SUSD4: variants seen among roughly 807,000 people sequenced by gnomAD.
The protein encoded by SUSD4 is sushi domain containing 4.
SUSD4 carries 41 observed loss-of-function variants against 50.5 expected under a neutral mutation model. The observed-to-expected ratio is 0.81, with a 90% CI of 0.63 to 1.05. The LOEUF (loss-of-function observed/expected upper bound fraction) is 1.05. Ranked by LOEUF, SUSD4 falls within the 50% of genes least tolerant of loss-of-function variation. SUSD4 has a pLI of 0.00. For missense variants in SUSD4, 580 were observed against 634.7 expected, an observed-to-expected ratio of 0.91 and a Z score of 0.93; for synonymous variants, 257 against 257.3, an observed-to-expected ratio of 1.00 and a Z score of 0.01.
intron 3 of SUSD4, among the ~76,000 whole-genome samples, chr1:223,282,279 G>C (rs2103119307): frequency 6.6e-6 from 1 of 152,214 alleles, no homozygotes; most frequent in South Asian, 2.1e-4. Context: ...TATTCAATCA[G>C]GAAAAGAGGA....
intron 2 of SUSD4, among the ~76,000 whole-genome samples, chr1:223,313,807 A>C (rs1055772365): frequency 1.3e-5 from 2 of 152,164 alleles, no homozygotes; most frequent in Non-Finnish European, 2.9e-5. Context: ...CACTAATTAT[A>C]AGGCATTAAT....
At chr1:223,363,583 G>T in intron 1 of SUSD4, 123 bp from the exon 2 acceptor site, 1 of 1,185,958 alleles carries the variant, frequency 8.4e-7, no homozygotes, top group Non-Finnish European at 1.1e-6. Flanking sequence ...TTCCTCCCCC[G>T]CGCGGCCCCC....
chr1:223,264,400 T>A (rs767572358), intron 5 of SUSD4: 3 of 1,242,442 alleles, frequency 2.4e-6, no homozygotes, highest in Non-Finnish European at 3.0e-6. Context: ...TCGCAACTTT[T>A]TCTTTTATCT....
chr1:223,303,567 C>T (rs545601652), intron 2 of SUSD4, among the ~76,000 whole-genome samples: 2 of 152,268 alleles, frequency 1.3e-5, no homozygotes, highest in East Asian at 1.9e-4. Context: ...GCCAGCAGCC[C>T]GCAATGCAAT....
At chr1:223,317,354 T>A (rs1666261692) in intron 2 of SUSD4, among the ~76,000 whole-genome samples, 1 of 152,212 alleles carries the variant, frequency 6.6e-6, no homozygotes, top group Non-Finnish European at 1.5e-5. Flanking sequence ...TTATTTAGCA[T>A]AAAATCAAGA....
At chr1:223,235,038 C>T (rs1396432668) in intron 5 of SUSD4, 1 of 1,610,892 alleles carries the variant, frequency 6.2e-7, no homozygotes, top group Non-Finnish European at 8.5e-7. Context: ...AAATAAAGCA[C>T]AGCAGCTGCC....
intron 2 of SUSD4, among the ~76,000 whole-genome samples, chr1:223,327,043 G>A (rs1037428682): frequency 1.3e-5 from 2 of 152,182 alleles, no homozygotes; most frequent in African/African-American, 4.8e-5. Flanking sequence ...ACTTGTACAT[G>A]TATGTTTATA....
chr1:223,281,038 A>G (rs1663684502), intron 3 of SUSD4, among the ~76,000 whole-genome samples: 1 of 152,224 alleles, frequency 6.6e-6, no homozygotes, highest in Non-Finnish European at 1.5e-5. Flanking sequence ...TTTGAAACCA[A>G]TGAGAACAAA....
intron 5 of SUSD4, among the ~76,000 whole-genome samples, chr1:223,247,192 A>G (rs777894563): frequency 2.0e-5 from 3 of 152,244 alleles, no homozygotes; most frequent in Non-Finnish European, 2.9e-5. Context: ...CTGGTTGCTC[A>G]CCATAACCCA....
In SUSD4 at chr1:223,223,600, C is replaced by T; in HGVS notation, c.1093G>A (p.Asp365Asn). Residue 365 changes from aspartate (D) to asparagine (N), a missense_variant, in exon 8 of 9, where the codon GAC (aspartate) becomes AAC (asparagine). Transcript: ENST00000366878. ...GGCACGCCGTCTACCACCACAAAGT[C>T]AGGGTCACTGCTGGAACTCCGGGGA... ...GPPRSSSSDP[D>N]FVVVDGVPVM... 1 of 1,611,432 alleles carries T rather than the reference C, an allele frequency of 6.2e-7. No individual in the cohort carries two copies. Among genetic ancestry groups the T allele is most frequent in the East Asian group, 2.2e-5 (1 of 44,794 alleles).
intron 2 of SUSD4, among the ~76,000 whole-genome samples, chr1:223,307,038 T>A (rs1227147283): frequency 6.6e-6 from 1 of 151,484 alleles, no homozygotes; most frequent in Non-Finnish European, 1.5e-5. Flanking sequence ...TAAGTATTTT[T>A]ATTTTATTTT....
chr1:223,301,057 C>T (rs527768083), intron 2 of SUSD4, among the ~76,000 whole-genome samples: 2 of 152,218 alleles, frequency 1.3e-5, no homozygotes, highest in Non-Finnish European at 1.5e-5. Context: ...GTCCAATGTT[C>T]TTGCTGTTGT....
intron 3 of SUSD4, among the ~76,000 whole-genome samples, chr1:223,279,137 A>C (rs1663501494): frequency 1.3e-5 from 2 of 152,178 alleles, no homozygotes; most frequent in South Asian, 4.1e-4. Context: ...CAGAGCAGAA[A>C]AGCTGAAAAT....
chr1:223,333,664 C>T (rs368991397), intron 2 of SUSD4, among the ~76,000 whole-genome samples: 48 of 152,240 alleles, frequency 3.2e-4, no homozygotes, highest in Middle Eastern at 3.4e-3. Flanking sequence ...CCTTGCAGAG[C>T]CATGGAGTCC....
At position 223,306,731 on chromosome 1, in the gene SUSD4, G is replaced by A. The variant is rs1036589638; in HGVS notation, c.149-14080C>T. ...TGGTCTTGAACTCCTGAGCACAAGC[G>A]ATCTGCCCATCTTGGCCTCCCAAAG... On this transcript the variant is annotated intron_variant, in intron 2 of 8. Transcript: ENST00000366878. Among the ~76,000 whole-genome samples, 9 of 152,154 alleles carry A rather than the reference G, an allele frequency of 5.9e-5. 1 individual carries two copies. Among genetic ancestry groups the A allele is most frequent in the Admixed American group, 2.6e-4 (4 of 15,268 alleles).
In SUSD4 at chr1:223,272,318, T is replaced by C. The variant is rs545421677; in HGVS notation, c.362-3643A>G. Among the ~76,000 whole-genome samples, 6 of 152,354 alleles carry C rather than the reference T, an allele frequency of 3.9e-5. No individual in the cohort carries two copies. The South Asian group carries it at 1.0e-3, about 26-fold the overall frequency. On this transcript the variant is annotated intron_variant, in intron 3 of 8. Coordinates refer to ENST00000366878, the MANE Select transcript of SUSD4 (RefSeq NM_017982.4). ...ACTTGAAGGATATCAAAGCCTTCCA[T>C]TCTGGAAATCATCTTTCACCAGCCC...
rs1346455906 is a variant in SUSD4, at chr1:223,229,028, C to T, written c.916+169G>A. ...CTGAACAGGACCTACAAGCATCTGGCACAGAGCCCAACAGCAGCCCCATCG... is the reference window on the plus strand; with the variant it reads ...CTGAACAGGACCTACAAGCATCTGGTACAGAGCCCAACAGCAGCCCCATCG... On this transcript the variant is annotated intron_variant, in intron 6 of 8. Coordinates refer to ENST00000366878, the MANE Select transcript of SUSD4 (RefSeq NM_017982.4). This position sits in a 1 kb window ranked among gnomAD's most constrained non-coding sequence, Gnocchi z 4.7. Among the ~76,000 whole-genome samples, 1 of 152,006 alleles carries T rather than the reference C, an allele frequency of 6.6e-6. No homozygotes were observed. Among genetic ancestry groups the T allele is most frequent in the Non-Finnish European group, 1.5e-5 (1 of 67,990 alleles).
chr1:223,236,649 A>G (rs1333521842), intron 5 of SUSD4, among the ~76,000 whole-genome samples: 6 of 152,134 alleles, frequency 3.9e-5, no homozygotes, highest in African/African-American at 1.4e-4. Flanking sequence ...CCTGTGCCAA[A>G]TATCAGTTGA....
chr1:223,319,629 C>T (rs867332206), intron 2 of SUSD4, among the ~76,000 whole-genome samples: 8 of 152,286 alleles, frequency 5.3e-5, no homozygotes, highest in Admixed American at 4.6e-4. Context: ...CATGAGACAA[C>T]AGGAAACACA....
Sources: allele counts gnomAD v4.1 joint callset (sites outside exome capture counted in the v4.1 genomes callset), GRCh38; gene constraint gnomAD v4.1.1; non-coding constraint Gnocchi (gnomAD v3.1); transcripts MANE v1.5; gene names NCBI Gene and HGNC (gene_info 2026-07-23, HGNC 2026-07-21).